Variants in DNAAF10 observed in about 807,000 individuals in gnomAD.
DNAAF10 encodes dynein axonemal assembly factor 10.
A neutral mutation model predicts 43.7 loss-of-function variants in DNAAF10; 28 were observed. That is an observed-to-expected ratio of 0.64 (90% CI 0.48 to 0.88). The LOEUF is 0.88. DNAAF10 is among the 40% of genes least tolerant of loss of function. The pLI is 0.00. For missense variants in DNAAF10, 403 were observed against 439.1 expected, an observed-to-expected ratio of 0.92 and a Z score of 0.73; for synonymous variants, 156 against 157.3, an observed-to-expected ratio of 0.99 and a Z score of 0.06.
rs1325491677 is a variant in DNAAF10 at position 68,157,520 on chromosome 2, A to G, written c.-77T>C. The G allele has an allele frequency of 8.8e-6, 14 of 1,592,704 alleles. No homozygotes were observed. The highest frequency in any genetic ancestry group is 1.2e-5 in the Non-Finnish European group (14 of 1,160,632). The stretch of plus-strand genomic sequence containing the variant: ...CGGCAACCTGGAAACCAGACTCCAA[A>G]CATTGGCAATTTGTCCCTCCCGCTT... On this transcript the variant is annotated 5_prime_UTR_variant, in exon 1 of 8. Transcript: ENST00000295121.
intron 4 of DNAAF10, among the ~76,000 whole-genome samples, chr2:68,140,758 C>G (rs755800344): frequency 1.3e-5 from 2 of 152,182 alleles, no homozygotes; most frequent in Non-Finnish European, 1.5e-5. Context: ...CCTACTATTA[C>G]TCTCTTCTAC....
intron 7 of DNAAF10, 119 bp from the exon 8 acceptor site, chr2:68,131,564 A>G: frequency 1.1e-6 from 1 of 951,574 alleles, no homozygotes. Context: ...TAAATACTTA[A>G]AGAATCTTTC....
intron 6 of DNAAF10, 54 bp from the exon 7 acceptor site, chr2:68,134,853 A>T: frequency 1.3e-6 from 2 of 1,589,994 alleles, no homozygotes; most frequent in Non-Finnish European, 1.7e-6. Flanking sequence ...GTGCCCTGGA[A>T]GAGAAACGCT....
Position 68,130,111 on chromosome 2 carries a change from G to GATATAT in DNAAF10, c.*1126_*1127insATATAT, listed in dbSNP as rs200642044. 11 of 131,862 alleles carry GATATAT rather than the reference G, an allele frequency of 8.3e-5. No homozygotes were observed. The highest frequency in any genetic ancestry group is 2.3e-4 in the South Asian group (1 of 4,404). 8.2% of individuals were successfully genotyped at this position (131,862 alleles called of 1,614,324 possible). Reference sequence around the variant, plus strand: ...AGACCAACCGTGCCGTTTTGAGAGAGAGAGATATATATATATATATTTGTT... The same window carrying GATATAT: ...AGACCAACCGTGCCGTTTTGAGAGAGATATATAGAGATATATATATATATATTTGTT... On this transcript the variant is annotated 3_prime_UTR_variant, in exon 8 of 8. Transcript: ENST00000295121.
chr2:68,134,167 A>C (rs888416162), intron 7 of DNAAF10: 4 of 983,298 alleles, frequency 4.1e-6, no homozygotes, highest in Non-Finnish European at 4.8e-6. Context: ...ATGATATCAG[A>C]CCTTTTAAAT....
intron 5 of DNAAF10, 149 bp downstream of exon 5, chr2:68,138,593 T>A (rs1482430522): frequency 3.2e-6 from 2 of 632,452 alleles, no homozygotes; most frequent in Admixed American, 5.6e-5. Flanking sequence ...TTCATTAGAT[T>A]CTCAAACGGA....
intron 3 of DNAAF10, among the ~76,000 whole-genome samples, chr2:68,143,937 A>T (rs1205168203): frequency 1.3e-5 from 2 of 152,218 alleles, no homozygotes; most frequent in African/African-American, 4.8e-5. Context: ...CTTTTCCTTT[A>T]AAGCAATTTC....
intron 2 of DNAAF10, among the ~76,000 whole-genome samples, chr2:68,146,903 AT>A (rs1673330254): frequency 6.6e-6 from 1 of 152,184 alleles, no homozygotes; most frequent in South Asian, 2.1e-4. Context: ...TTAAAAAGGA[AT>A]TTCAATTCAT....
chr2:68,145,225 A>G (rs890947724), intron 2 of DNAAF10, among the ~76,000 whole-genome samples: 1 of 151,954 alleles, frequency 6.6e-6, no homozygotes, highest in Non-Finnish European at 1.5e-5. Flanking sequence ...TTCAGAAAAA[A>G]AAAAAAAGAA....
At chr2:68,131,948 T>G (rs950063545) in intron 7 of DNAAF10, 4 of 159,840 alleles carry the variant, frequency 2.5e-5, no homozygotes, top group African/African-American at 9.6e-5. Context: ...GACCCAAGCC[T>G]AAGGACCTTT....
chr2:68,147,170 G>C (rs967641180), intron 2 of DNAAF10, among the ~76,000 whole-genome samples: 42 of 151,992 alleles, frequency 2.8e-4, no homozygotes, highest in African/African-American at 1.0e-3. Flanking sequence ...GTTGGAGGGG[G>C]AACAGACCTT....
At position 68,131,234 on chromosome 2, in the gene DNAAF10, G is replaced by C. The variant is rs898698103; in HGVS notation, c.*4C>G. On this transcript the variant is annotated 3_prime_UTR_variant, in exon 8 of 8. Transcript: ENST00000295121. ...TGCCCAGCCTCAAGTCCAAAGTCTT[G>C]AAGTCAAATTTTATTGAGCTTTGTA... 1.9e-6 allele frequency: 3 copies of C among 1,613,850 alleles called. No homozygotes were observed. The highest frequency in any genetic ancestry group is 2.5e-6 in the Non-Finnish European group (3 of 1,179,868).
chr2:68,147,744 A>G (rs929641026), intron 1 of DNAAF10, among the ~76,000 whole-genome samples, 177 bp from the exon 2 acceptor site: 1 of 152,222 alleles, frequency 6.6e-6, no homozygotes, highest in Non-Finnish European at 1.5e-5. Context: ...TCTTTAAAAT[A>G]TGTAACTGTC....
chr2:68,147,790 C>T (rs1224292574), intron 1 of DNAAF10, among the ~76,000 whole-genome samples: 1 of 152,170 alleles, frequency 6.6e-6, no homozygotes. Context: ...TTCCTCTCCT[C>T]TCACTAATGA....
At chr2:68,132,110 A>T (rs535498691) in intron 7 of DNAAF10, 1 of 152,808 alleles carries the variant, frequency 6.5e-6, no homozygotes, top group East Asian at 1.9e-4. Context: ...GGTTAAAGTC[A>T]TAAATCCTAT....
rs921566050 is a variant in DNAAF10, at chr2:68,130,254, C to T, written c.*984G>A. On this transcript the variant is annotated 3_prime_UTR_variant, in exon 8 of 8. Transcript: ENST00000295121. ...CAAGTGATTCTCCTGCCTCAGCCTC[C>T]CAAGTAGCTGTGATTACAGGCGCCC... 2.0e-5 allele frequency: 3 copies of T among 151,180 alleles called. No homozygotes were observed. Among genetic ancestry groups the T allele is most frequent in the African/African-American group, 7.3e-5 (3 of 41,126 alleles). The allele number at this position is 151,180 out of a possible 1,614,324, so 9.4% of individuals were successfully genotyped here.
chr2:68,153,815 G>A lies in DNAAF10; in HGVS notation c.183+3446C>T, dbSNP rs185420273. On this transcript the variant is annotated intron_variant, in intron 1 of 7. Transcript: ENST00000295121. ...TCTTCAGGCTGGAGTGCAATGGCGC[G>A]ATCTCGGCTCACTGCAACTTCTGCC... Among the ~76,000 whole-genome samples, 189 of 138,896 alleles carry A rather than the reference G, an allele frequency of 1.4e-3. 2 individuals are homozygous for A. The highest frequency in any genetic ancestry group is 4.6e-3 in the African/African-American group (170 of 36,982). 91.1% of individuals were successfully genotyped at this position (138,896 alleles called of 152,430 possible). A position where few individuals can be genotyped will look rare whatever the true frequency, so the allele number is the denominator to read the frequency against.
chr2:68,153,345 TAAAAAAAAAAA>T (rs775794947), intron 1 of DNAAF10, among the ~76,000 whole-genome samples: 4 of 98,750 alleles, frequency 4.1e-5, no homozygotes, highest in African/African-American at 1.4e-4. Flanking sequence ...AGTGATAAAT[TAAAAAAAAAAA>T]AAAAAAAAAA....
At chr2:68,157,067 G>A (rs1673640243) in intron 1 of DNAAF10, 194 bp downstream of exon 1, 3 of 796,100 alleles carry the variant, frequency 3.8e-6, no homozygotes, top group Admixed American at 3.0e-5. Flanking sequence ...TGGGCGCGGA[G>A]GAACTACCCC....
Sources: allele counts gnomAD v4.1 joint callset (sites outside exome capture counted in the v4.1 genomes callset), GRCh38; gene constraint gnomAD v4.1.1; transcripts MANE v1.5; gene names NCBI Gene and HGNC (gene_info 2026-07-23, HGNC 2026-07-21).